FMN2: variants seen among roughly 807,000 people sequenced by gnomAD.
FMN2 encodes the protein formin-2.
Under a neutral mutation model 142.3 loss-of-function variants are expected in FMN2, and 51 were observed. The observed-to-expected ratio is 0.36, with a 90% CI of 0.29 to 0.45. FMN2 has a LOEUF of 0.45. Ranked by LOEUF, FMN2 falls within the 20% of genes least tolerant of loss-of-function variation. The probability of loss-of-function intolerance (pLI) is 1.00; values close to 1 mark genes in which losing one functional copy is unlikely to be tolerated. For missense variants in FMN2, 1,936 were observed against 2,122.8 expected, an observed-to-expected ratio of 0.91 and a Z score of 1.73; for synonymous variants, 882 against 869.8, an observed-to-expected ratio of 1.01 and a Z score of -0.25.
At chr1:240,154,041 C>T (rs943820031) in intron 2 of FMN2, among the ~76,000 whole-genome samples, 2 of 134,344 alleles carry the variant, frequency 1.5e-5, no homozygotes, top group African/African-American at 2.9e-5. Flanking sequence ...ACCCAGGAGG[C>T]GGAGGTTGCA....
At chr1:240,249,136 T>A (rs960067093) in intron 6 of FMN2, among the ~76,000 whole-genome samples, 1 of 152,096 alleles carries the variant, frequency 6.6e-6, no homozygotes, top group East Asian at 1.9e-4. Flanking sequence ...GTTTTAGTTG[T>A]CTGTGCTTTT....
intron 15 of FMN2, among the ~76,000 whole-genome samples, chr1:240,432,270 G>T (rs1007960255): frequency 2.0e-5 from 3 of 151,880 alleles, no homozygotes; most frequent in Non-Finnish European, 2.9e-5. Flanking sequence ...TTCACTTAAG[G>T]TGTCAAATCT....
intron 6 of FMN2, among the ~76,000 whole-genome samples, chr1:240,219,923 TGCTGGGATTAGAA>T (rs746998209): frequency 9.9e-5 from 15 of 152,172 alleles, no homozygotes; most frequent in Non-Finnish European, 1.6e-4. Flanking sequence ...CTTCCCAAAG[TGCTGGGATTAGAA>T]GCGTGAGCCA....
chr1:240,379,855 A>T (rs1194619976), intron 14 of FMN2, among the ~76,000 whole-genome samples: 3 of 152,164 alleles, frequency 2.0e-5, no homozygotes, highest in Non-Finnish European at 4.4e-5. Flanking sequence ...ACCACTAGCT[A>T]GATTAACCAA....
At position 240,327,484 on chromosome 1, in the gene FMN2, G is replaced by C. The variant is rs540527749; in HGVS notation, c.4216-1592G>C. On this transcript the variant is annotated intron_variant, in intron 8 of 17. Transcript: ENST00000319653. ...ATAGCAGTTCTCGGCTGAGCTGCTC[G>C]TCTATTTAAACAAAAATAATATTGA... Among the ~76,000 whole-genome samples the C allele has an allele frequency of 9.3e-4, 142 of 152,164 alleles. 1 individual carries two copies. The highest frequency in any genetic ancestry group is 1.2e-4 in the Non-Finnish European group (8 of 67,998).
chr1:240,184,760 C>T (rs562187295), intron 3 of FMN2, among the ~76,000 whole-genome samples: 22 of 151,794 alleles, frequency 1.4e-4, no homozygotes, highest in African/African-American at 4.8e-4. Context: ...ACGTGGGAGT[C>T]GGGAGTTCCG....
chr1:240,355,774 C>A, intron 13 of FMN2, 42 bp from the exon 14 acceptor site: 2 of 1,450,942 alleles, frequency 1.4e-6, no homozygotes, highest in African/African-American at 1.4e-5. Context: ...TAATGCTCCA[C>A]TAACAGTGTG....
At chr1:240,447,621 T>TA (rs1360056962) in intron 16 of FMN2, among the ~76,000 whole-genome samples, 8 of 152,214 alleles carry the variant, frequency 5.3e-5, no homozygotes, top group Non-Finnish European at 8.8e-5. Flanking sequence ...CCATTATTTT[T>TA]ATGGCAAAAA....
chr1:240,453,649 G>A (rs1232940453), intron 16 of FMN2, among the ~76,000 whole-genome samples: 2 of 151,982 alleles, frequency 1.3e-5, no homozygotes, highest in South Asian at 2.1e-4. Flanking sequence ...AATGAGAGTG[G>A]GTATTAATGA....
chr1:240,412,711 G>C (rs544244888), intron 15 of FMN2, among the ~76,000 whole-genome samples: 1 of 152,276 alleles, frequency 6.6e-6, no homozygotes, highest in African/African-American at 2.4e-5. Context: ...ACCAGACATA[G>C]GGAGGCTCCC....
intron 13 of FMN2, among the ~76,000 whole-genome samples, chr1:240,344,061 C>G (rs759226510): frequency 6.6e-6 from 1 of 152,162 alleles, no homozygotes; most frequent in Non-Finnish European, 1.5e-5. Flanking sequence ...TCATTTTACT[C>G]TAAATGCAAT....
chr1:240,418,681 A>G (rs1674664014), intron 15 of FMN2, among the ~76,000 whole-genome samples: 1 of 152,244 alleles, frequency 6.6e-6, no homozygotes. Context: ...AAGATGGCCA[A>G]CGTGTATAAG....
At chr1:240,250,368 C>T (rs1195561438) in intron 6 of FMN2, among the ~76,000 whole-genome samples, 1 of 151,986 alleles carries the variant, frequency 6.6e-6, no homozygotes, top group African/African-American at 2.4e-5. Flanking sequence ...TTGTTTTTCA[C>T]TCTTGATTTG....
At chr1:240,354,081 G>C (rs1672188949) in intron 13 of FMN2, among the ~76,000 whole-genome samples, 1 of 152,050 alleles carries the variant, frequency 6.6e-6, no homozygotes, top group African/African-American at 2.4e-5. Context: ...CTGTATTCAG[G>C]GTGTAGCTGA....
intron 13 of FMN2, among the ~76,000 whole-genome samples, chr1:240,335,220 T>C (rs2103021230): frequency 6.6e-6 from 1 of 152,286 alleles, no homozygotes; most frequent in African/African-American, 2.4e-5. Context: ...GTGCTGTGGA[T>C]CCACAAAGGT....
rs952391257 is a variant in FMN2, at chr1:240,160,725, A to G, written c.1783-17196A>G. On this transcript the variant is annotated intron_variant, in intron 2 of 17. Coordinates refer to ENST00000319653, the MANE Select transcript of FMN2 (RefSeq NM_020066.5). ...ATGAGAAAACAATGCCACTATTACC[A>G]CTCTGTCTTGTACTGAACAATTATT... 6.6e-5 allele frequency among the ~76,000 whole-genome samples: 10 copies of G among 152,030 alleles called. 1 individual carries two copies. The highest frequency in any genetic ancestry group is 6.8e-3 in the Middle Eastern group (2 of 292).
intron 6 of FMN2, among the ~76,000 whole-genome samples, chr1:240,216,874 G>A (rs1381653466): frequency 1.3e-5 from 2 of 152,010 alleles, no homozygotes; most frequent in Admixed American, 6.5e-5. Flanking sequence ...GCTTGAACCC[G>A]GGAGGCGGAG....
chr1:240,336,844 CTG>C (rs1219817870), intron 13 of FMN2, among the ~76,000 whole-genome samples: 4 of 151,908 alleles, frequency 2.6e-5, no homozygotes, highest in African/African-American at 7.3e-5. Context: ...CTGTCAAACT[CTG>C]AGGATTAAAA....
chr1:240,150,776 A>G (rs1355382088), intron 2 of FMN2, among the ~76,000 whole-genome samples: 1 of 152,210 alleles, frequency 6.6e-6, no homozygotes, highest in South Asian at 2.1e-4. Flanking sequence ...GAGACTGGCC[A>G]TAATAATTAG....
Sources: allele counts gnomAD v4.1 joint callset (sites outside exome capture counted in the v4.1 genomes callset), GRCh38; gene constraint gnomAD v4.1.1; transcripts MANE v1.5; gene names NCBI Gene and HGNC (gene_info 2026-07-23, HGNC 2026-07-21).